Variants in GOLGA4 observed in about 807,000 individuals in gnomAD.
GOLGA4 encodes the protein golgin subfamily A member 4.
Under a neutral mutation model 265.9 loss-of-function variants are expected in GOLGA4, and 169 were observed. That is an observed-to-expected ratio of 0.64 (90% confidence interval 0.56 to 0.72). The LOEUF is 0.72. Ranked by LOEUF, GOLGA4 falls within the 30% of genes least tolerant of loss-of-function variation. The pLI is 0.00. For synonymous variants in GOLGA4, 923 were observed against 855.8 expected, an observed-to-expected ratio of 1.08 and a Z score of -1.37; for missense variants, 2,482 against 2,483.4, an observed-to-expected ratio of 1.00 and a Z score of 0.01.
At chr3:37,351,929 G>C (rs1431800565) in intron 21 of GOLGA4, among the ~76,000 whole-genome samples, 2 of 151,528 alleles carry the variant, frequency 1.3e-5, no homozygotes, top group African/African-American at 4.9e-5. Flanking sequence ...GGCTGCACTA[G>C]CCTCTAACAA....
intron 10 of GOLGA4, among the ~76,000 whole-genome samples, chr3:37,309,638 A>T (rs1431055393): frequency 6.6e-6 from 1 of 152,260 alleles, no homozygotes; most frequent in African/African-American, 2.4e-5. Flanking sequence ...ATACTTTTTC[A>T]TTCTACCTAT....
rs150129405 is a variant in GOLGA4, at chr3:37,323,985, G to A, written c.2099G>A (p.Arg700His). 45 of 1,613,598 alleles carry A rather than the reference G, an allele frequency of 2.8e-5. No individual in the cohort carries two copies. The African/African-American group carries it at 2.8e-4, about 10-fold the overall frequency. ...GAACTGTCAGAAGTATTAAAAGCCC[G>A]TCACAAACTAGAAGAGGAACTTTCT... ...SSELSEVLKA[R>H]HKLEEELSVL... Residue 700 changes from arginine to histidine, a missense_variant, in exon 14 of 24, where the codon CGT becomes CAT. Physicochemically the swap from Arg to His is conservative, Grantham distance 29 (BLOSUM62 0). Around this residue, in one of 3 missense-constraint regions of GOLGA4, gnomAD observed 1,536 missense variants for 1,483.7 expected, o/e 1.04. Coordinates refer to ENST00000361924, the MANE Select transcript of GOLGA4 (RefSeq NM_002078.5).
chr3:37,305,912 T>C (rs1424141927), intron 10 of GOLGA4, among the ~76,000 whole-genome samples: 1 of 152,238 alleles, frequency 6.6e-6, no homozygotes, highest in Non-Finnish European at 1.5e-5. Context: ...CTACTTTTCT[T>C]GGGAAACAGT....
chr3:37,341,298 C>T (rs1226677107), intron 20 of GOLGA4, among the ~76,000 whole-genome samples: 1 of 152,180 alleles, frequency 6.6e-6, no homozygotes, highest in African/African-American at 2.4e-5. Context: ...TATCCATTCT[C>T]TAAAGTTCAA....
chr3:37,255,409 C>T (rs570370917), intron 2 of GOLGA4, among the ~76,000 whole-genome samples: 48 of 151,780 alleles, frequency 3.2e-4, no homozygotes, highest in African/African-American at 9.4e-4. Context: ...GTGATCCATC[C>T]GCCTCGGCCT....
chr3:37,268,462 C>T (rs1026534058), intron 2 of GOLGA4, among the ~76,000 whole-genome samples: 2 of 151,882 alleles, frequency 1.3e-5, no homozygotes, highest in South Asian at 2.1e-4. Context: ...AAAAAAAAAC[C>T]GTAAAGGTTC....
intron 21 of GOLGA4, 85 bp from the exon 22 acceptor site, chr3:37,355,016 A>G (rs1376090786): frequency 2.5e-6 from 2 of 788,994 alleles, no homozygotes; most frequent in Non-Finnish European, 4.5e-6. Context: ...GCACTAAAGA[A>G]TCCCACCAGC....
At chr3:37,289,808 G>A (rs989643156) in intron 5 of GOLGA4, among the ~76,000 whole-genome samples, 5 of 151,958 alleles carry the variant, frequency 3.3e-5, no homozygotes, top group African/African-American at 1.2e-4. Flanking sequence ...TGACTTTTGG[G>A]GTTCTCCTGC....
At chr3:37,365,971 A>G in intron 23 of GOLGA4, 109 bp from the exon 24 acceptor site, 1 of 913,816 alleles carries the variant, frequency 1.1e-6, no homozygotes, top group Non-Finnish European at 1.6e-6. Context: ...AGACCATGGA[A>G]TAGAATTTTA....
chr3:37,306,168 T>C (rs2096905513), intron 10 of GOLGA4, among the ~76,000 whole-genome samples: 1 of 152,212 alleles, frequency 6.6e-6, no homozygotes, highest in Non-Finnish European at 1.5e-5. Context: ...AATAGTCTCC[T>C]CTCTAGTAGA....
chr3:37,353,151 A>ATGT (rs1559470408), intron 21 of GOLGA4, among the ~76,000 whole-genome samples: 3 of 152,102 alleles, frequency 2.0e-5, no homozygotes, highest in Admixed American at 6.6e-5. Context: ...TGGTGCCCCA[A>ATGT]TACAGTGACC....
intron 3 of GOLGA4, among the ~76,000 whole-genome samples, chr3:37,285,454 T>G (rs2096845895): frequency 6.6e-6 from 1 of 152,248 alleles, no homozygotes; most frequent in Non-Finnish European, 1.5e-5. Context: ...CTGTTGATTA[T>G]GAGGTTCTTT....
At chr3:37,263,440 A>C (rs2096775368) in intron 2 of GOLGA4, among the ~76,000 whole-genome samples, 1 of 152,164 alleles carries the variant, frequency 6.6e-6, no homozygotes, top group Non-Finnish European at 1.5e-5. Flanking sequence ...AGGAACAGAA[A>C]CTAAGAACCG....
At chr3:37,299,490 C>T in intron 9 of GOLGA4, 119 bp downstream of exon 9, 1 of 626,036 alleles carries the variant, frequency 1.6e-6, no homozygotes. Context: ...CAGCTTTTTC[C>T]ATGAAAAATC....
intron 2 of GOLGA4, among the ~76,000 whole-genome samples, chr3:37,257,544 G>A (rs564712972): frequency 1.3e-5 from 2 of 152,162 alleles, no homozygotes; most frequent in South Asian, 4.2e-4. Context: ...CACGTAGTAG[G>A]TGCTAACTAA....
At chr3:37,357,318 A>G (rs1217283639) in intron 22 of GOLGA4, among the ~76,000 whole-genome samples, 1 of 152,158 alleles carries the variant, frequency 6.6e-6, no homozygotes, top group African/African-American at 2.4e-5. Context: ...AGTTCAGTCA[A>G]CAGTCATCTA....
intron 5 of GOLGA4, among the ~76,000 whole-genome samples, chr3:37,290,232 TATAG>T (rs757739076): frequency 9.9e-5 from 15 of 151,888 alleles, no homozygotes; most frequent in Admixed American, 3.3e-4. Context: ...AACAAGGGAG[TATAG>T]ATTAGGATGA....
At chr3:37,270,145 C>T (rs549450083) in intron 2 of GOLGA4, among the ~76,000 whole-genome samples, 123 of 148,146 alleles carry the variant, frequency 8.3e-4, no homozygotes, top group African/African-American at 2.0e-3. Flanking sequence ...CTGCCTGCCT[C>T]GGTCTCCCAA....
chr3:37,361,185 G>A, intron 22 of GOLGA4, 58 bp from the exon 23 acceptor site: 2 of 1,213,780 alleles, frequency 1.6e-6, no homozygotes, highest in Non-Finnish European at 2.5e-6. Context: ...TACAATCTAT[G>A]TGTTATATTA....
Sources: allele counts gnomAD v4.1 joint callset (sites outside exome capture counted in the v4.1 genomes callset), GRCh38; gene constraint gnomAD v4.1.1; regional missense constraint gnomAD v4.1.1; transcripts MANE v1.5; gene names NCBI Gene and HGNC (gene_info 2026-07-23, HGNC 2026-07-21).